Variants in KCNK2 observed in about 807,000 individuals in gnomAD.
The protein encoded by KCNK2 is potassium channel subfamily K member 2.
In KCNK2, 21 loss-of-function variants were observed where a neutral mutation model predicts 40.5. That is an observed-to-expected ratio of 0.52 (90% CI 0.37 to 0.75). The LOEUF (loss-of-function observed/expected upper bound fraction) is 0.75. KCNK2 is among the 30% of genes least tolerant of loss of function. KCNK2 has a pLI of 0.00. For missense variants in KCNK2, 399 were observed against 531.6 expected, an observed-to-expected ratio of 0.75 and a Z score of 2.45; for synonymous variants, 191 against 202.2, an observed-to-expected ratio of 0.94 and a Z score of 0.47.
upstream of KCNK2, chr1:215,005,698 G>C: frequency 2.0e-6 from 1 of 495,318 alleles, no homozygotes; most frequent in South Asian, 3.6e-5. Flanking sequence ...CAGAGGATTT[G>C]AGTAGCACAT....
chr1:215,032,328 G>T (rs1161737642), intron 1 of KCNK2, among the ~76,000 whole-genome samples: 1 of 151,874 alleles, frequency 6.6e-6, no homozygotes, highest in African/African-American at 2.4e-5. Context: ...AGAATCGCTG[G>T]GCTCAGTAGT....
intron 3 of KCNK2, among the ~76,000 whole-genome samples, chr1:215,161,524 C>T (rs919148292): frequency 1.3e-5 from 2 of 151,848 alleles, no homozygotes; most frequent in Admixed American, 6.6e-5. Context: ...CAGCCATCAA[C>T]CAGTCATCTA....
At chr1:215,192,819 A>C (rs1664721142) in intron 5 of KCNK2, among the ~76,000 whole-genome samples, 1 of 152,174 alleles carries the variant, frequency 6.6e-6, no homozygotes, top group Non-Finnish European at 1.5e-5. Flanking sequence ...TAATATTTGA[A>C]AGTAATATTA....
chr1:215,060,214 C>T (rs376628241), intron 1 of KCNK2, among the ~76,000 whole-genome samples: 13 of 152,110 alleles, frequency 8.5e-5, no homozygotes, highest in East Asian at 5.8e-4. Flanking sequence ...GGCAGAACCT[C>T]GGCCGCAACT....
At chr1:215,217,564 C>T (rs1666010165) in intron 6 of KCNK2, among the ~76,000 whole-genome samples, 1 of 152,154 alleles carries the variant, frequency 6.6e-6, no homozygotes, top group South Asian at 2.1e-4. Context: ...CTCTAACTTG[C>T]ACTGACACTA....
At chr1:215,022,383 C>T (rs1018601372) in intron 1 of KCNK2, among the ~76,000 whole-genome samples, 1 of 152,060 alleles carries the variant, frequency 6.6e-6, no homozygotes, top group Non-Finnish European at 1.5e-5. Context: ...AGGTTGTAAC[C>T]ATGTCTTCCT....
At position 215,069,661 on chromosome 1, in the gene KCNK2, G is replaced by T. The variant is rs1217326807; in HGVS notation, c.35-16707G>T. On this transcript the variant is annotated intron_variant, in intron 1 of 6. Transcript: ENST00000391895. ...CTTTTTGGGGTCTCATTAACAAGTT[G>T]GGGTTTATATAATTTTCACCCCTAT... 2.0e-5 allele frequency among the ~76,000 whole-genome samples: 3 copies of T among 152,090 alleles called. No homozygotes were observed. The East Asian group carries it at 5.8e-4, about 29-fold the overall frequency.
At chr1:215,042,754 C>T (rs1390887877) in intron 1 of KCNK2, among the ~76,000 whole-genome samples, 1 of 152,144 alleles carries the variant, frequency 6.6e-6, no homozygotes, top group Non-Finnish European at 1.5e-5. Flanking sequence ...GTTGATGTAC[C>T]TACTTTATTC....
chr1:215,070,568 G>A (rs888751610), intron 1 of KCNK2, among the ~76,000 whole-genome samples: 23 of 152,188 alleles, frequency 1.5e-4, no homozygotes, highest in African/African-American at 5.1e-4. Flanking sequence ...GCTTGTGCAG[G>A]GGAGCTCCCC....
chr1:215,178,216 T>A (rs1558126864), intron 5 of KCNK2, among the ~76,000 whole-genome samples: 1 of 152,170 alleles, frequency 6.6e-6, no homozygotes, highest in Non-Finnish European at 1.5e-5. Flanking sequence ...TGATTTTGTA[T>A]CTTCAAATGT....
At position 215,066,901 on chromosome 1, in the gene KCNK2, AT is replaced by A. The variant is rs1658567191; in HGVS notation, c.35-19466del. On this transcript the variant is annotated intron_variant, in intron 1 of 6. Coordinates refer to the KCNK2 transcript ENST00000391895. ...GACAACATACATTTTCAATAAAAAAATAAAGTTGAAAAAATTCATATGATAT... is the reference window on the plus strand; with the variant it reads ...GACAACATACATTTTCAATAAAAAAAAAAGTTGAAAAAATTCATATGATAT... Among the ~76,000 whole-genome samples the A allele has an allele frequency of 3.9e-5, 6 of 152,372 alleles. No individual in the cohort carries two copies. In the South Asian group the frequency reaches 1.2e-3, roughly 32 times the overall value.
At chr1:215,008,552 A>G (rs933517749) in intron 1 of KCNK2, among the ~76,000 whole-genome samples, 1 of 152,258 alleles carries the variant, frequency 6.6e-6, no homozygotes, top group Admixed American at 6.5e-5. Context: ...CATATATAAA[A>G]CAGGATTAAT....
intron 1 of KCNK2, among the ~76,000 whole-genome samples, chr1:215,029,013 A>G (rs1657092016): frequency 6.6e-6 from 1 of 151,756 alleles, no homozygotes; most frequent in Non-Finnish European, 1.5e-5. Flanking sequence ...AAATTCACTG[A>G]AGGGTACAGA....
At position 215,208,363 on chromosome 1, in the gene KCNK2, G is replaced by A. The variant is rs551080237; in HGVS notation, c.963+13271G>A. ...CACTGGGGCCTACCTGAAGGGGGAG[G>A]GTGGGAGAAGGGAGAGGAACAGGAA... On this transcript the variant is annotated intron_variant, in intron 6 of 6. Coordinates refer to ENST00000444842, the MANE Select transcript of KCNK2 (RefSeq NM_001017425.3). Among the ~76,000 whole-genome samples the A allele has an allele frequency of 1.6e-4, 24 of 152,210 alleles. No homozygotes were observed. In the South Asian group the frequency reaches 3.3e-3, roughly 21 times the overall value.
intron 1 of KCNK2, among the ~76,000 whole-genome samples, chr1:215,014,534 C>A (rs189565456): frequency 6.6e-6 from 1 of 151,662 alleles, no homozygotes; most frequent in Admixed American, 6.6e-5. Flanking sequence ...CAATACTGTT[C>A]CATCAAGAGG....
intron 1 of KCNK2, among the ~76,000 whole-genome samples, chr1:215,008,476 C>T (rs1656263824): frequency 6.6e-6 from 1 of 152,144 alleles, no homozygotes; most frequent in East Asian, 1.9e-4. Context: ...GATGGAATTC[C>T]AGACCCCCTA....
At chr1:215,144,985 T>C (rs960108164) in intron 3 of KCNK2, among the ~76,000 whole-genome samples, 12 of 152,202 alleles carry the variant, frequency 7.9e-5, no homozygotes, top group African/African-American at 2.7e-4. Flanking sequence ...TGACTGAATA[T>C]CAAGTAGCTG....
intron 6 of KCNK2, among the ~76,000 whole-genome samples, chr1:215,232,354 A>G (rs774924429): frequency 6.6e-6 from 1 of 152,218 alleles, no homozygotes; most frequent in Admixed American, 6.6e-5. Flanking sequence ...TGTGTGTACT[A>G]TAAGACCTTT....
upstream of KCNK2, among the ~76,000 whole-genome samples, chr1:215,082,470 C>G (rs1303395935): frequency 6.6e-6 from 1 of 151,982 alleles, no homozygotes; most frequent in Non-Finnish European, 1.5e-5. Context: ...TAGGATGCAG[C>G]GCAGTGTGAT....
Sources: gnomAD v4.1 joint callset for allele counts (sites outside exome capture counted in the v4.1 genomes callset) on GRCh38, gnomAD v4.1.1 for gene constraint, MANE v1.5 for transcripts, NCBI Gene and HGNC (gene_info 2026-07-23, HGNC 2026-07-21) for gene names.